The following OPCML variants were observed in gnomAD, a reference collection of about 807,000 sequenced individuals.
The protein encoded by OPCML is opioid-binding protein/cell adhesion molecule.
In OPCML, 13 loss-of-function variants were observed where a neutral mutation model predicts 37.8. The observed-to-expected ratio is 0.34, with a 90% CI of 0.22 to 0.55. The LOEUF is 0.55. Among genes scored for constraint, OPCML ranks in the 20% least tolerant of loss-of-function variants. The probability of loss-of-function intolerance (pLI) is 0.91; values close to 1 mark genes in which losing one functional copy is unlikely to be tolerated. For missense variants in OPCML, 341 were observed against 435.6 expected (o/e 0.78, Z 1.93); for synonymous variants, 176 against 168.8 (o/e 1.04, Z -0.33).
intron 3 of OPCML, among the ~76,000 whole-genome samples, chr11:132,633,016 C>T (rs1940252309): frequency 6.6e-6 from 1 of 151,132 alleles, no homozygotes; most frequent in Non-Finnish European, 1.5e-5. Flanking sequence ...AGTGAGTCAG[C>T]TCTCAGCAAC....
chr11:132,910,138 G>C (rs1034930563), intron 2 of OPCML, among the ~76,000 whole-genome samples: 1 of 152,204 alleles, frequency 6.6e-6, no homozygotes, highest in African/African-American at 2.4e-5. Context: ...TCTGAGCACT[G>C]CTTTCAATAA....
At chr11:132,475,071 C>T (rs545975715) in intron 4 of OPCML, among the ~76,000 whole-genome samples, 2 of 152,186 alleles carry the variant, frequency 1.3e-5, no homozygotes, top group African/African-American at 4.8e-5. Context: ...CTTCTCTCCA[C>T]CAGCCCTGAG....
At chr11:133,316,608 T>C (rs1169955509) in intron 1 of OPCML, among the ~76,000 whole-genome samples, 1 of 152,190 alleles carries the variant, frequency 6.6e-6, no homozygotes, top group Non-Finnish European at 1.5e-5. Flanking sequence ...TCTGCACATG[T>C]ATTCCAGAAC....
chr11:133,056,811 G>C (rs193144808), intron 1 of OPCML, among the ~76,000 whole-genome samples: 7 of 152,194 alleles, frequency 4.6e-5, no homozygotes, highest in Middle Eastern at 6.8e-3. Context: ...TCAACTCCTC[G>C]AGGGGAGAGA....
chr11:133,004,776 C>A (rs1166542695), intron 1 of OPCML: 7 of 985,154 alleles, frequency 7.1e-6, no homozygotes, highest in Non-Finnish European at 8.4e-6. Flanking sequence ...GAAGCGAGAT[C>A]ACACTGCCTT....
rs1418308027 is a variant in OPCML, at chr11:133,483,808, G to GATAC, written c.61+48455_61+48456insGTAT. Among the ~76,000 whole-genome samples, 6 of 147,340 alleles carry GATAC rather than the reference G, an allele frequency of 4.1e-5. No individual in the cohort carries two copies. The East Asian group carries it at 8.2e-4, about 20-fold the overall frequency. ...TAGATACATAGATGATAGATAGATA[G>GATAC]ATAGATAGATAGATAGATAGGATGG... On this transcript the variant is annotated intron_variant, in intron 1 of 7. Coordinates refer to ENST00000524381, the MANE Select transcript of OPCML (RefSeq NM_001012393.5).
At chr11:132,491,773 G>T (rs985865967) in intron 4 of OPCML, among the ~76,000 whole-genome samples, 2 of 152,198 alleles carry the variant, frequency 1.3e-5, no homozygotes. Context: ...TTACATCCTG[G>T]TGGAGGAGGG....
chr11:133,361,549 TCCGGGGCACCTGCAGCTAC>T (rs1479698435), intron 1 of OPCML: 1 of 158,796 alleles, frequency 6.3e-6, no homozygotes, highest in African/African-American at 2.5e-5. Context: ...CGCAGACAGG[TCCGGGGCACCTGCAGCTAC>T]TCCGGGGCAC....
At chr11:132,721,867 C>T (rs946866766) in intron 2 of OPCML, among the ~76,000 whole-genome samples, 2 of 151,692 alleles carry the variant, frequency 1.3e-5, no homozygotes, top group Non-Finnish European at 2.9e-5. Flanking sequence ...AAACAAGAAC[C>T]TGTTTGAAAC....
intron 2 of OPCML, among the ~76,000 whole-genome samples, chr11:132,918,119 T>G: frequency 6.6e-6 from 1 of 152,250 alleles, no homozygotes; most frequent in Non-Finnish European, 1.5e-5. Flanking sequence ...AATTTACTAA[T>G]TTAATTAAAT....
chr11:133,266,329 C>T (rs1477132014), intron 1 of OPCML, among the ~76,000 whole-genome samples: 1 of 152,132 alleles, frequency 6.6e-6, no homozygotes, highest in African/African-American at 2.4e-5. Flanking sequence ...ACTTGCTGTC[C>T]CTGTAGCTGG....
At chr11:132,444,229 GT>G (rs1301131119) in intron 4 of OPCML, among the ~76,000 whole-genome samples, 3 of 152,156 alleles carry the variant, frequency 2.0e-5, no homozygotes, top group African/African-American at 4.8e-5. Context: ...TCACCATGAC[GT>G]TGGTCACCCG....
intron 2 of OPCML, among the ~76,000 whole-genome samples, chr11:132,889,694 G>A (rs778612455): frequency 9.9e-5 from 15 of 152,122 alleles, no homozygotes; most frequent in Non-Finnish European, 1.5e-4. Flanking sequence ...GTTTACTTTT[G>A]TTCTGGATCT....
intron 3 of OPCML, among the ~76,000 whole-genome samples, chr11:132,577,202 T>C (rs1043659372): frequency 6.6e-6 from 1 of 152,134 alleles, no homozygotes; most frequent in East Asian, 1.9e-4. Context: ...TGTTGCTGAA[T>C]TGGTGAGTTT....
At chr11:132,461,908 G>A (rs954991070) in intron 4 of OPCML, among the ~76,000 whole-genome samples, 3 of 152,072 alleles carry the variant, frequency 2.0e-5, no homozygotes, top group Admixed American at 1.3e-4. Context: ...GGGTAACCAC[G>A]CCCATGATTA....
chr11:133,243,598 G>A (rs998685235), intron 1 of OPCML, among the ~76,000 whole-genome samples: 1 of 152,186 alleles, frequency 6.6e-6, no homozygotes, highest in African/African-American at 2.4e-5. Context: ...AGTCAGAGCT[G>A]GGCCTCTGGA....
intron 1 of OPCML, among the ~76,000 whole-genome samples, chr11:133,320,920 G>A (rs1943314961): frequency 6.6e-6 from 1 of 152,190 alleles, no homozygotes; most frequent in Non-Finnish European, 1.5e-5. Context: ...GAGGGCTGAG[G>A]ATGTGGTCTT....
intron 1 of OPCML, among the ~76,000 whole-genome samples, chr11:133,521,639 G>T (rs1021055577): frequency 6.6e-6 from 1 of 152,216 alleles, no homozygotes; most frequent in African/African-American, 2.4e-5. Flanking sequence ...CCATCCCAGT[G>T]CCAAGTAAGA....
intron 1 of OPCML, among the ~76,000 whole-genome samples, chr11:133,413,500 T>A (rs78879678): frequency 0.086 from 12,959 of 151,246 alleles, 1,620 homozygotes; most frequent in African/African-American, 0.27. Context: ...AATAAATAAA[T>A]AAATATATAA....
Sources: gnomAD v4.1 joint callset for allele counts (sites outside exome capture counted in the v4.1 genomes callset) on GRCh38, gnomAD v4.1.1 for gene constraint, MANE v1.5 for transcripts, NCBI Gene and HGNC (gene_info 2026-07-23, HGNC 2026-07-21) for gene names.